Variants in ADGRL1 observed in about 807,000 individuals in gnomAD.
ADGRL1 encodes adhesion G protein-coupled receptor L1.
A neutral mutation model predicts 148.9 loss-of-function variants in ADGRL1; 31 were observed. That is an observed-to-expected ratio of 0.21 (90% confidence interval 0.16 to 0.28). ADGRL1 has a LOEUF of 0.28. Ranked by LOEUF, ADGRL1 falls within the 10% of genes least tolerant of loss-of-function variation. The pLI is 1.00. For synonymous variants in ADGRL1, 937 were observed against 900.3 expected (o/e 1.04, Z -0.73); for missense variants, 1,521 against 2,058.8 (o/e 0.74, Z 5.05).
intron 1 of ADGRL1, chr19:14,191,494 G>A (rs1971937563): frequency 2.2e-6 from 1 of 455,912 alleles, no homozygotes; most frequent in African/African-American, 2.0e-5. Context: ...TATTAGCTCG[G>A]GCTGCCATAA....
chr19:14,157,512 G>T lies in ADGRL1; in HGVS notation c.2536-52C>A. Reference sequence around the variant, plus strand: ...CAGGGCCTTTGGTTTTGCACGCTGGGCTCAGCCAGGTGCCAGCCACAGACA... The same window carrying T: ...CAGGGCCTTTGGTTTTGCACGCTGGTCTCAGCCAGGTGCCAGCCACAGACA... On this transcript the variant is annotated intron_variant, in intron 13 of 22. Transcript: ENST00000361434. The surrounding 1 kb of genome is among the most constrained non-coding windows in gnomAD (Gnocchi z 7.5). The T allele has an allele frequency of 6.4e-7, 1 of 1,564,960 alleles. No individual in the cohort carries two copies. Among genetic ancestry groups the T allele is most frequent in the Non-Finnish European group, 8.8e-7 (1 of 1,138,562 alleles).
intron 1 of ADGRL1, among the ~76,000 whole-genome samples, chr19:14,199,213 G>A (rs554703983): frequency 7.6e-4 from 116 of 152,316 alleles, no homozygotes; most frequent in Admixed American, 2.4e-3. Context: ...GTCTCTCCAC[G>A]GGGGAGCTGG....
At position 14,157,799 on chromosome 19, in the gene ADGRL1, T is replaced by C; in HGVS notation, c.2535+83A>G. 1 of 1,510,596 alleles carries C rather than the reference T, an allele frequency of 6.6e-7. No individual in the cohort carries two copies. The highest frequency in any genetic ancestry group is 1.3e-5 in the South Asian group (1 of 78,816). 93.6% of individuals were successfully genotyped at this position (1,510,596 alleles called of 1,614,324 possible). A position where few individuals can be genotyped will look rare whatever the true frequency, so the allele number is the denominator to read the frequency against. ...CCATGGGGCTAGCCTCCCCTGGTAC[T>C]GCCCGTGATCTCTCTAGGATGCCAT... On this transcript the variant is annotated intron_variant, in intron 13 of 22. Coordinates refer to ENST00000361434, the MANE Select transcript of ADGRL1 (RefSeq NM_014921.5). This position sits in a 1 kb window ranked among gnomAD's most constrained non-coding sequence, Gnocchi z 7.5.
At chr19:14,193,271 CAAAAAAAAAAAAA>C (rs34844517) in intron 1 of ADGRL1, among the ~76,000 whole-genome samples, 1 of 48,626 alleles carries the variant, frequency 2.1e-5, no homozygotes, top group Non-Finnish European at 3.6e-5. Context: ...CCCCCACCGC[CAAAAAAAAAAAAA>C]AAAAAAAAAC....
At chr19:14,174,423 C>T (rs1227821576) in intron 3 of ADGRL1, among the ~76,000 whole-genome samples, 4 of 152,142 alleles carry the variant, frequency 2.6e-5, no homozygotes, top group Middle Eastern at 3.4e-3. Context: ...TGAGGTGCCT[C>T]CAGCCCAGCC....
rs1599384168 is a variant in ADGRL1, at chr19:14,152,859, G to A, written c.3348C>T (p.Ser1116=). The change falls in exon 19 of 23, where the codon TCC becomes TCT. Residue 1116 remains serine (S), a synonymous_variant. Coordinates refer to ENST00000361434, the MANE Select transcript of ADGRL1 (RefSeq NM_014921.5). The surrounding 1 kb of genome is among the most constrained non-coding windows in gnomAD (Gnocchi z 6.1). ...GGGATCCGTGAGTGCCCCCGGGTGG[G>A]GAGCGGATGCAGCAGTAGGAGTGAC... is the stretch of plus-strand genomic sequence containing the variant. ...CLRHSYCCIR[S]PPGGTHGSLK... is the part of the protein sequence containing the mutation. 11 of 1,614,166 alleles carry A rather than the reference G, an allele frequency of 6.8e-6. No individual in the cohort carries two copies. The highest frequency in any genetic ancestry group is 9.3e-6 in the Non-Finnish European group (11 of 1,180,016).
chr19:14,159,036 G>GGGGGGT lies in ADGRL1; in HGVS notation c.2149+48_2149+53dup. 67 of 1,601,726 alleles carry GGGGGGT rather than the reference G, an allele frequency of 4.2e-5. No homozygotes were observed. Among genetic ancestry groups the GGGGGGT allele is most frequent in the Non-Finnish European group, 5.5e-5 (64 of 1,172,566 alleles). ...GGCACAGAGACGCTGGCACAGAGCT[G>GGGGGGT]GGGGGTGGGGGTGGGGCTGCTTCCC... On this transcript the variant is annotated intron_variant, in intron 11 of 22. Transcript: ENST00000361434. The surrounding 1 kb of genome is among the most constrained non-coding windows in gnomAD (Gnocchi z 6.0).
intron 16 of ADGRL1, 146 bp from the exon 17 acceptor site, chr19:14,156,347 C>T (rs1968744549): frequency 2.9e-6 from 2 of 688,446 alleles, no homozygotes; most frequent in East Asian, 2.7e-5. Flanking sequence ...GAGGTGCCCG[C>T]TGTGCAGCGG....
chr19:14,180,133 T>C (rs987110206), intron 2 of ADGRL1, among the ~76,000 whole-genome samples: 2 of 152,130 alleles, frequency 1.3e-5, no homozygotes, highest in African/African-American at 4.8e-5. Context: ...CAGTACACCA[T>C]GTGTGTTGTC....
At chr19:14,196,525 T>TG (rs777287005) in intron 1 of ADGRL1, among the ~76,000 whole-genome samples, 1 of 151,920 alleles carries the variant, frequency 6.6e-6, no homozygotes, top group Non-Finnish European at 1.5e-5. Flanking sequence ...GAGGCTTAGG[T>TG]GGGAGGATCT....
chr19:14,183,792 T>C (rs1599487595), intron 1 of ADGRL1, 95 bp from the exon 2 acceptor site: 1 of 578,090 alleles, frequency 1.7e-6, no homozygotes, highest in South Asian at 2.1e-5. Context: ...GAGGCTGAGG[T>C]CCAGCACGTC....
chr19:14,194,316 CAAAG>C (rs1450819997), intron 1 of ADGRL1, among the ~76,000 whole-genome samples: 7 of 152,084 alleles, frequency 4.6e-5, no homozygotes, highest in Non-Finnish European at 2.9e-5. Flanking sequence ...AGTCAGGACA[CAAAG>C]AGAGTGAGGA....
In ADGRL1 at chr19:14,152,392, C is replaced by T. The variant is rs776250380; in HGVS notation, c.3566G>A (p.Arg1189His). 14 of 1,601,720 alleles carry T rather than the reference C, an allele frequency of 8.7e-6. No homozygotes were observed. Among genetic ancestry groups the T allele is most frequent in the Admixed American group, 1.7e-5 (1 of 59,360 alleles). The stretch of plus-strand genomic sequence containing the variant: ...GGTGTTGTAGGGACTGGTGCCCCCA[C>T]GGGGCTGCAGCACGGGGTTGGTCAG... ...HLLTNPVLQP[R>H]GGTSPYNTLI... Residue 1189 changes from arginine (R) to histidine (H), a missense_variant, in exon 21 of 23, where the codon CGT (arginine) becomes CAT (histidine). Physicochemically the swap from Arg to His is conservative, Grantham distance 29. This residue lies in a region of ADGRL1 where 47 missense variants were observed against 64.6 expected (regional missense o/e 0.73). Transcript: ENST00000361434. The surrounding 1 kb of genome is among the most constrained non-coding windows in gnomAD (Gnocchi z 6.1).
At chr19:14,184,383 C>A (rs1284826750) in intron 1 of ADGRL1, among the ~76,000 whole-genome samples, 1 of 151,866 alleles carries the variant, frequency 6.6e-6, no homozygotes, top group South Asian at 2.1e-4. Flanking sequence ...CCATCCTCCC[C>A]ACCTGCTCTG....
chr19:14,163,449 G>T, intron 4 of ADGRL1, 43 bp from the exon 5 acceptor site: 2 of 1,302,194 alleles, frequency 1.5e-6, no homozygotes, highest in Non-Finnish European at 2.1e-6. Flanking sequence ...GAGAGAAGGG[G>T]CAGAGGCGAG....
intron 4 of ADGRL1, chr19:14,167,064 A>T (rs762879245): frequency 7.6e-6 from 12 of 1,575,276 alleles, no homozygotes; most frequent in Admixed American, 3.5e-5. Flanking sequence ...AGAGAAAACA[A>T]ATTGAAAAAA....
intron 1 of ADGRL1, among the ~76,000 whole-genome samples, chr19:14,192,831 G>T (rs909568423): frequency 6.6e-6 from 1 of 152,148 alleles, no homozygotes; most frequent in Non-Finnish European, 1.5e-5. Flanking sequence ...GATTACAGGC[G>T]TGAGCCACCG....
chr19:14,205,434 G>C (rs1213085274), intron 1 of ADGRL1, among the ~76,000 whole-genome samples: 1 of 150,486 alleles, frequency 6.6e-6, no homozygotes, highest in Admixed American at 6.6e-5. Context: ...CCCATCCCCC[G>C]CGCCACTGCC....
In ADGRL1 at chr19:14,161,760, G is replaced by C; in HGVS notation, c.1196-134C>G. Reference sequence around the variant, plus strand: ...GGAAACACGTGCCGGGCCCCACTGGGTCTATGAGTTGATCTCCCCTGGCCG... The same window carrying C: ...GGAAACACGTGCCGGGCCCCACTGGCTCTATGAGTTGATCTCCCCTGGCCG... On this transcript the variant is annotated intron_variant, in intron 5 of 22. Coordinates refer to ENST00000361434, the MANE Select transcript of ADGRL1 (RefSeq NM_014921.5). The surrounding 1 kb of genome is among the most constrained non-coding windows in gnomAD (Gnocchi z 4.4). The C allele has an allele frequency of 1.7e-6, 1 of 591,330 alleles. No homozygotes were observed. 36.6% of individuals were successfully genotyped at this position (591,330 alleles called of 1,614,324 possible). A position where few individuals can be genotyped will look rare whatever the true frequency, so the allele number is the denominator to read the frequency against.
Sources: allele counts gnomAD v4.1 joint callset (sites outside exome capture counted in the v4.1 genomes callset), GRCh38; gene constraint gnomAD v4.1.1; regional missense constraint gnomAD v4.1.1; non-coding constraint Gnocchi (gnomAD v3.1); transcripts MANE v1.5; gene names NCBI Gene and HGNC (gene_info 2026-07-23, HGNC 2026-07-21).